The following PTGR1 variants were observed in gnomAD, a reference collection of about 807,000 sequenced individuals.
PTGR1 encodes the protein 15-oxoprostaglandin 13-reductase.
In PTGR1, 23 loss-of-function variants were observed where a neutral mutation model predicts 37.7. The ratio of observed to expected loss-of-function variants is 0.61; its 90% CI spans 0.44 to 0.86. PTGR1 has a LOEUF of 0.86. Among genes scored for constraint, PTGR1 ranks in the 40% least tolerant of loss-of-function variants. PTGR1 has a pLI of 0.00. For missense variants in PTGR1, 351 were observed against 394.3 expected (o/e 0.89, Z 0.93); for synonymous variants, 134 against 140.0 (o/e 0.96, Z 0.30).
intron 2 of PTGR1, among the ~76,000 whole-genome samples, chr9:111,596,634 G>A (rs978270507): frequency 1.5e-4 from 23 of 151,924 alleles, no homozygotes; most frequent in African/African-American, 4.6e-4. Flanking sequence ...GTTGGTGGGC[G>A]CCTGTAATCC....
intron 8 of PTGR1, among the ~76,000 whole-genome samples, 180 bp from the exon 9 acceptor site, chr9:111,570,389 C>T (rs1828759585): frequency 6.6e-6 from 1 of 152,136 alleles, no homozygotes; most frequent in Admixed American, 6.5e-5. Context: ...CACTCTGCAG[C>T]CAGGCAGAAT....
At chr9:111,594,506 A>G (rs542309261) in intron 2 of PTGR1, among the ~76,000 whole-genome samples, 1 of 152,158 alleles carries the variant, frequency 6.6e-6, no homozygotes, top group East Asian at 1.9e-4. Flanking sequence ...AATGTTGAAG[A>G]AAAAAACGGA....
chr9:111,563,388 C>A (rs1408793399), intron 9 of PTGR1, 157 bp from the exon 10 acceptor site: 1 of 656,110 alleles, frequency 1.5e-6, no homozygotes, highest in African/African-American at 1.8e-5. Flanking sequence ...CAAGGTGGGG[C>A]AAGATCCACT....
intron 9 of PTGR1, among the ~76,000 whole-genome samples, chr9:111,566,882 TAGGATA>T (rs932938870): frequency 4.6e-5 from 7 of 151,986 alleles, no homozygotes. Flanking sequence ...TGGATAAAAG[TAGGATA>T]GGAGCCTGGG....
downstream of PTGR1, among the ~76,000 whole-genome samples, chr9:111,561,592 T>C (rs1828323304): frequency 6.6e-6 from 1 of 152,194 alleles, no homozygotes; most frequent in South Asian, 2.1e-4. Context: ...TTTCTTCATA[T>C]AAATCTTGCA....
chr9:111,574,649 C>A, intron 8 of PTGR1, 85 bp downstream of exon 8: 1 of 774,542 alleles, frequency 1.3e-6, no homozygotes, highest in Non-Finnish European at 2.0e-6. Flanking sequence ...CTAATAATTT[C>A]AGAGTCACTG....
intron 3 of PTGR1, 141 bp downstream of exon 3, chr9:111,594,081 G>C (rs750099604): frequency 1.6e-4 from 140 of 880,176 alleles, no homozygotes; most frequent in Non-Finnish European, 2.4e-4. Context: ...GAGCGTGCAT[G>C]AATCTTATCA....
At chr9:111,561,148 G>GAGAGAGAGGGAGA (rs1267075709), downstream of PTGR1, among the ~76,000 whole-genome samples, 1 of 34,850 alleles carries the variant, frequency 2.9e-5, no homozygotes, top group African/African-American at 1.4e-4. Flanking sequence ...GGAGAGAGAG[G>GAGAGAGAGGGAGA]GAGAGAGAGA....
chr9:111,592,593 C>A (rs949783744), intron 4 of PTGR1: 1 of 204,610 alleles, frequency 4.9e-6, no homozygotes, highest in Non-Finnish European at 9.8e-6. Context: ...CTCAACCTGC[C>A]GATCCACCTG....
At chr9:111,598,890 C>G (rs1589326965) in intron 1 of PTGR1, among the ~76,000 whole-genome samples, 1 of 152,208 alleles carries the variant, frequency 6.6e-6, no homozygotes, top group Admixed American at 6.5e-5. Context: ...CAACAGATCT[C>G]AGAACCTACT....
downstream of PTGR1, among the ~76,000 whole-genome samples, chr9:111,558,045 G>C (rs1828174667): frequency 6.6e-6 from 1 of 152,106 alleles, no homozygotes; most frequent in Non-Finnish European, 1.5e-5. Flanking sequence ...TACTCAGGAG[G>C]CTGAGGCAGG....
chr9:111,556,051 C>T (rs959325202), intron 9 of PTGR1, among the ~76,000 whole-genome samples: 2 of 152,224 alleles, frequency 1.3e-5, no homozygotes, highest in African/African-American at 2.4e-5. Context: ...TTAGTTACTT[C>T]CAAGATAGAA....
downstream of PTGR1, among the ~76,000 whole-genome samples, chr9:111,560,057 C>T (rs572819607): frequency 4.6e-5 from 7 of 152,132 alleles, 1 homozygote; most frequent in South Asian, 6.2e-4. Context: ...ATCTTCTGGC[C>T]GGGCATGGTG....
chr9:111,576,273 G>A, intron 7 of PTGR1: 1 of 1,320,644 alleles, frequency 7.6e-7, no homozygotes, highest in South Asian at 1.2e-5. Context: ...CATTATTAGT[G>A]GATTTCATAT....
At chr9:111,591,307 AT>A (rs749713565) in intron 4 of PTGR1, among the ~76,000 whole-genome samples, 97 of 151,826 alleles carry the variant, frequency 6.4e-4, no homozygotes, top group Admixed American at 1.2e-3. Flanking sequence ...CAAAAAAAAA[AT>A]AATAATAAAA....
chr9:111,597,854 A>C (rs979039045), intron 1 of PTGR1, among the ~76,000 whole-genome samples: 3 of 152,252 alleles, frequency 2.0e-5, no homozygotes, highest in Admixed American at 6.5e-5. Flanking sequence ...AATTCTAAGA[A>C]AAAGCATCAA....
chr9:111,552,661 A>G lies in PTGR1; in HGVS notation c.880-2862T>C, dbSNP rs118128824. 5.6e-3 allele frequency among the ~76,000 whole-genome samples: 852 copies of G among 152,328 alleles called. 4 individuals are homozygous for G. Among genetic ancestry groups the G allele is most frequent in the Non-Finnish European group, 8.6e-3 (587 of 68,016 alleles). ...TTGCCTTTACATGAATCGACATTGT[A>G]AATTTGGAGGTTCTTTGAGACAGAA... On this transcript the variant is annotated intron_variant, in intron 9 of 9. Coordinates refer to the PTGR1 transcript ENST00000538962.
At chr9:111,565,063 G>A (rs1009247497) in intron 9 of PTGR1, among the ~76,000 whole-genome samples, 1 of 152,282 alleles carries the variant, frequency 6.6e-6, no homozygotes, top group Non-Finnish European at 1.5e-5. Flanking sequence ...GGCGGAGGTT[G>A]CAGTGAACGG....
At chr9:111,559,476 G>A (rs1466766284), downstream of PTGR1, among the ~76,000 whole-genome samples, 1 of 151,906 alleles carries the variant, frequency 6.6e-6, no homozygotes, top group Non-Finnish European at 1.5e-5. Flanking sequence ...TACACCATCT[G>A]GGAAACCCTG....
Sources: gnomAD v4.1 joint callset for allele counts (sites outside exome capture counted in the v4.1 genomes callset) on GRCh38, gnomAD v4.1.1 for gene constraint, MANE v1.5 for transcripts, NCBI Gene and HGNC (gene_info 2026-07-23, HGNC 2026-07-21) for gene names.